Variants in ADCY2 observed in about 807,000 individuals in gnomAD.
The protein encoded by ADCY2 is adenylate cyclase 2.
ADCY2 carries 31 observed loss-of-function variants against 125.2 expected under a neutral mutation model. The observed-to-expected ratio is 0.25, with a 90% confidence interval of 0.19 to 0.33. The LOEUF is 0.33. ADCY2 is among the 10% of genes least tolerant of loss of function. ADCY2 has a pLI of 1.00. For missense variants in ADCY2, 904 were observed against 1,418.2 expected (o/e 0.64, Z 5.82); for synonymous variants, 512 against 548.4 (o/e 0.93, Z 0.93).
intron 2 of ADCY2, among the ~76,000 whole-genome samples, chr5:7,460,540 G>A (rs1431532261): frequency 2.0e-5 from 3 of 152,168 alleles, no homozygotes. Context: ...ATCTTTGGAA[G>A]TTTATACTTA....
intron 7 of ADCY2, among the ~76,000 whole-genome samples, chr5:7,700,524 A>G (rs893993679): frequency 2.0e-5 from 3 of 150,358 alleles, no homozygotes; most frequent in Non-Finnish European, 4.4e-5. Context: ...TAATCTGAAC[A>G]GCGTTGGAAT....
chr5:7,456,170 G>C (rs1412719235), intron 2 of ADCY2, among the ~76,000 whole-genome samples: 1 of 151,754 alleles, frequency 6.6e-6, no homozygotes, highest in African/African-American at 2.4e-5. Context: ...GCCTTAAATT[G>C]GACTAATAAT....
At chr5:7,452,203 G>A (rs533005877) in intron 2 of ADCY2, among the ~76,000 whole-genome samples, 6 of 152,232 alleles carry the variant, frequency 3.9e-5, no homozygotes, top group Non-Finnish European at 5.9e-5. Context: ...ATGAGCAACC[G>A]TGCCCGGCCC....
intron 4 of ADCY2, among the ~76,000 whole-genome samples, chr5:7,677,007 T>G (rs1027326146): frequency 6.6e-6 from 1 of 152,148 alleles, no homozygotes; most frequent in Non-Finnish European, 1.5e-5. Flanking sequence ...CCGGGTGCGG[T>G]GGCTCACACC....
intron 15 of ADCY2, 83 bp from the exon 16 acceptor site, chr5:7,757,366 G>C (rs1212664644): frequency 1.3e-6 from 2 of 1,521,802 alleles, no homozygotes; most frequent in Admixed American, 1.9e-5. Flanking sequence ...GGTGCTTCTT[G>C]TGGTTGTAAA....
chr5:7,465,129 T>C (rs537850911), intron 2 of ADCY2, among the ~76,000 whole-genome samples: 6 of 152,328 alleles, frequency 3.9e-5, no homozygotes, highest in South Asian at 4.1e-4. Context: ...CACTGGGTCC[T>C]TCCCACAACA....
chr5:7,485,146 G>C (rs1742876778), intron 2 of ADCY2, among the ~76,000 whole-genome samples: 1 of 152,170 alleles, frequency 6.6e-6, no homozygotes, highest in South Asian at 2.1e-4. Context: ...CTTTATACCT[G>C]CTGTACACAG....
At chr5:7,399,185 TC>T (rs1561003966) in intron 1 of ADCY2, among the ~76,000 whole-genome samples, 2 of 152,152 alleles carry the variant, frequency 1.3e-5, no homozygotes, top group African/African-American at 4.8e-5. Context: ...TTCCTTTTTT[TC>T]CCCCTGAATC....
intron 23 of ADCY2, 93 bp downstream of exon 23, chr5:7,817,073 G>T (rs1745135942): frequency 2.1e-6 from 2 of 938,272 alleles, no homozygotes; most frequent in South Asian, 3.0e-5. Context: ...TTCAGTGTTG[G>T]AGTAGAACAA....
At chr5:7,470,625 AC>A (rs1742299213) in intron 2 of ADCY2, among the ~76,000 whole-genome samples, 1 of 126,238 alleles carries the variant, frequency 7.9e-6, no homozygotes, top group Admixed American at 7.9e-5. Flanking sequence ...TTTAAAAACT[AC>A]TGTATATATG....
At chr5:7,417,572 A>G (rs549472404) in intron 2 of ADCY2, among the ~76,000 whole-genome samples, 1 of 152,306 alleles carries the variant, frequency 6.6e-6, no homozygotes, top group Admixed American at 6.5e-5. Flanking sequence ...TGTTTGCTTT[A>G]TCATTGTTAC....
At chr5:7,401,868 A>G (rs1739274790) in intron 1 of ADCY2, among the ~76,000 whole-genome samples, 1 of 152,236 alleles carries the variant, frequency 6.6e-6, no homozygotes, top group South Asian at 2.1e-4. Context: ...CAGTGACAGG[A>G]GAGTCTGAGC....
At chr5:7,452,354 A>C (rs1741506740) in intron 2 of ADCY2, among the ~76,000 whole-genome samples, 1 of 152,162 alleles carries the variant, frequency 6.6e-6, no homozygotes, top group Non-Finnish European at 1.5e-5. Context: ...AACATACAGC[A>C]TTTGGTTTTC....
chr5:7,616,860 G>T (rs1737779837), intron 3 of ADCY2, among the ~76,000 whole-genome samples: 1 of 152,072 alleles, frequency 6.6e-6, no homozygotes, highest in Non-Finnish European at 1.5e-5. Flanking sequence ...TTTAGGGTGG[G>T]CCCTAATGCA....
intron 17 of ADCY2, among the ~76,000 whole-genome samples, chr5:7,770,690 T>C (rs1743527600): frequency 6.6e-6 from 1 of 152,186 alleles, no homozygotes; most frequent in Non-Finnish European, 1.5e-5. Context: ...GGGGACAGGA[T>C]CACTGAATAA....
Position 7,796,511 on chromosome 5 carries a change from C to T in ADCY2, c.2629-5707C>T, listed in dbSNP as rs918848490. 6.6e-5 allele frequency: 10 copies of T among 152,180 alleles called. No individual in the cohort carries two copies. The East Asian group carries it at 1.2e-3, about 18-fold the overall frequency. 9.4% of individuals were successfully genotyped at this position (152,180 alleles called of 1,614,324 possible). A position where few individuals can be genotyped will look rare whatever the true frequency, so the allele number is the denominator to read the frequency against. On this transcript the variant is annotated intron_variant, in intron 20 of 24. Coordinates refer to ENST00000338316, the MANE Select transcript of ADCY2 (RefSeq NM_020546.3). ...AATAGGGAGTCAAGAATGATGTAAT[C>T]GCTGTAACAATCAATTCTGAAAAGG...
At chr5:7,812,691 T>G (rs1295390192) in intron 22 of ADCY2, among the ~76,000 whole-genome samples, 2 of 152,210 alleles carry the variant, frequency 1.3e-5, no homozygotes, top group Non-Finnish European at 2.9e-5. Context: ...GCGGATCACC[T>G]GAGCTCAGGA....
intron 3 of ADCY2, among the ~76,000 whole-genome samples, chr5:7,615,306 T>G (rs1345179966): frequency 6.6e-6 from 1 of 152,170 alleles, no homozygotes; most frequent in Non-Finnish European, 1.5e-5. Context: ...GAAACTTCTG[T>G]TGCTATCTCT....
chr5:7,647,780 A>T (rs1212315436), intron 4 of ADCY2, among the ~76,000 whole-genome samples: 1 of 152,232 alleles, frequency 6.6e-6, no homozygotes, highest in Non-Finnish European at 1.5e-5. Flanking sequence ...TAGAAATTTA[A>T]ACATCTACAA....
Sources: allele counts gnomAD v4.1 joint callset (sites outside exome capture counted in the v4.1 genomes callset), GRCh38; gene constraint gnomAD v4.1.1; transcripts MANE v1.5; gene names NCBI Gene and HGNC (gene_info 2026-07-23, HGNC 2026-07-21).